The following TES variants were observed in gnomAD, a reference collection of about 807,000 sequenced individuals.
The protein encoded by TES is testin LIM domain protein.
TES carries 41 observed loss-of-function variants against 48.2 expected under a neutral mutation model. The observed-to-expected ratio is 0.85, with a 90% CI of 0.66 to 1.10. The LOEUF (loss-of-function observed/expected upper bound fraction) is 1.10, where lower values mean the gene tolerates loss of function less well. TES is among the 50% of genes least tolerant of loss of function. The pLI, the probability that TES is intolerant of heterozygous loss-of-function variation, is 0.00. For missense variants in TES, 463 were observed against 515.1 expected (o/e 0.90, Z 0.98); for synonymous variants, 162 against 174.9 (o/e 0.93, Z 0.58).
intron 2 of TES, among the ~76,000 whole-genome samples, chr7:116,241,479 A>G (rs573056053): frequency 6.6e-6 from 1 of 152,262 alleles, no homozygotes; most frequent in Non-Finnish European, 1.5e-5. Flanking sequence ...GGTCATCCCA[A>G]CTGTTTTAAT....
Position 116,251,985 on chromosome 7 carries a change from A to G in TES, c.918+10A>G, listed in dbSNP as rs200003387. On this transcript the variant is annotated intron_variant, in intron 5 of 6. Transcript: ENST00000358204. ...TGCTGGCTGTGACGAGGTATGTTCT[A>G]TGGGACCACCGGCATGCTGGTGCCC... is the stretch of plus-strand genomic sequence containing the variant. 1.7e-5 allele frequency: 27 copies of G among 1,613,608 alleles called. No individual in the cohort carries two copies. Among genetic ancestry groups the G allele is most frequent in the African/African-American group, 9.3e-5 (7 of 74,914 alleles).
At chr7:116,249,498 G>A (rs1799973659) in intron 3 of TES, 1 of 497,200 alleles carries the variant, frequency 2.0e-6, no homozygotes, top group Admixed American at 3.5e-5. Flanking sequence ...TGAGGGAATG[G>A]TCTAACGTTC....
intron 1 of TES, among the ~76,000 whole-genome samples, chr7:116,224,297 A>G (rs182848990): frequency 1.3e-5 from 2 of 152,200 alleles, no homozygotes; most frequent in East Asian, 1.9e-4. Context: ...CGTATTTTCA[A>G]ACCCTAAGTT....
chr7:116,218,853 A>T (rs1312744627), intron 1 of TES, among the ~76,000 whole-genome samples: 2 of 152,282 alleles, frequency 1.3e-5, no homozygotes, highest in East Asian at 1.9e-4. Context: ...TGATATTTTT[A>T]AAAACACAAT....
chr7:116,254,762 G>A (rs955480614), intron 6 of TES, among the ~76,000 whole-genome samples: 143 of 98,768 alleles, frequency 1.4e-3, no homozygotes, highest in African/African-American at 6.0e-3. Context: ...ATATATATGT[G>A]TGTGTGTGTG....
Position 116,249,281 on chromosome 7 carries a change from T to C in TES, c.366+9T>C, listed in dbSNP as rs761031871. 1.3e-5 allele frequency: 21 copies of C among 1,613,832 alleles called. No homozygotes were observed. The highest frequency in any genetic ancestry group is 1.8e-5 in the Non-Finnish European group (21 of 1,179,932). ...TCCAGAATCAAGCATTGGTAAATGA[T>C]ATGGAACAGAGAGTTTCTTTATTGA... On this transcript the variant is annotated intron_variant, in intron 3 of 6. Coordinates refer to ENST00000358204, the MANE Select transcript of TES (RefSeq NM_015641.4).
In TES at chr7:116,257,434, A is replaced by G. The variant is rs1400031636; in HGVS notation, c.1218A>G (p.Val406=). ...TCATTGGGCAGAAGTTCATGCCAGT[A>G]GAAGGGATGGTTTTCTGTTCAGTGG... ...KCLIGQKFMP[V]EGMVFCSVEC... is the part of the protein sequence containing the mutation. The change falls in exon 7 of 7, where the codon GTA becomes GTG. Residue 406 remains valine, a synonymous_variant. Transcript: ENST00000358204. 6.2e-7 allele frequency: 1 copy of G among 1,614,004 alleles called. No individual in the cohort carries two copies. Among genetic ancestry groups the G allele is most frequent in the East Asian group, 2.2e-5 (1 of 44,864 alleles).
At chr7:116,218,249 A>C (rs1469566747) in intron 1 of TES, among the ~76,000 whole-genome samples, 5 of 152,158 alleles carry the variant, frequency 3.3e-5, no homozygotes. Flanking sequence ...GAAAAGCTGT[A>C]AACAGGAGTT....
At chr7:116,227,600 A>G (rs1226384749) in intron 1 of TES, among the ~76,000 whole-genome samples, 2 of 152,180 alleles carry the variant, frequency 1.3e-5, no homozygotes, top group African/African-American at 2.4e-5. Flanking sequence ...AATTATTTAG[A>G]TATGTAGTTC....
intron 1 of TES, among the ~76,000 whole-genome samples, chr7:116,232,729 TA>T (rs35455902): frequency 6.6e-6 from 1 of 151,946 alleles, no homozygotes; most frequent in African/African-American, 2.4e-5. Context: ...TTAATTGCTT[TA>T]AAAAAAAGCT....
intron 1 of TES, among the ~76,000 whole-genome samples, chr7:116,230,024 A>G (rs1434805322): frequency 6.6e-6 from 1 of 152,226 alleles, no homozygotes; most frequent in African/African-American, 2.4e-5. Flanking sequence ...ATAGCTATAA[A>G]ATAAATTTCT....
At chr7:116,248,014 G>A (rs73452236) in intron 2 of TES, among the ~76,000 whole-genome samples, 1 of 151,894 alleles carries the variant, frequency 6.6e-6, no homozygotes, top group Non-Finnish European at 1.5e-5. Flanking sequence ...TTCCATCTTT[G>A]TGTCCATGTG....
intron 6 of TES, among the ~76,000 whole-genome samples, chr7:116,253,589 T>C: frequency 6.6e-6 from 1 of 152,206 alleles, no homozygotes; most frequent in East Asian, 1.9e-4. Flanking sequence ...CTCCTGTCCC[T>C]TCTACTAGTT....
In TES at chr7:116,214,418, A is replaced by T. The variant is rs115543124; in HGVS notation, c.27+3684A>T. Among the ~76,000 whole-genome samples the T allele has an allele frequency of 7.4e-3, 1,128 of 152,316 alleles. 15 individuals carry two copies. The highest frequency in any genetic ancestry group is 0.026 in the African/African-American group (1,075 of 41,554). ...CCTGGATGCTCAAATCTACAATTGCATTCCAGGCTTGAAGCCATTCTTGCT... is the reference window on the plus strand; with the variant it reads ...CCTGGATGCTCAAATCTACAATTGCTTTCCAGGCTTGAAGCCATTCTTGCT... On this transcript the variant is annotated intron_variant, in intron 1 of 6. Transcript: ENST00000358204.
chr7:116,227,634 A>G (rs1457297478), intron 1 of TES, among the ~76,000 whole-genome samples: 2 of 152,174 alleles, frequency 1.3e-5, no homozygotes, highest in Non-Finnish European at 2.9e-5. Context: ...ATTTATCTGG[A>G]TGAACAAAAT....
chr7:116,248,209 A>T (rs1799953996), intron 2 of TES, among the ~76,000 whole-genome samples: 2 of 152,108 alleles, frequency 1.3e-5, no homozygotes, highest in Non-Finnish European at 2.9e-5. Flanking sequence ...TTCTTTATCC[A>T]GTCTACCATT....
intron 2 of TES, among the ~76,000 whole-genome samples, chr7:116,239,729 T>C (rs1799818282): frequency 6.6e-6 from 1 of 152,200 alleles, no homozygotes; most frequent in Admixed American, 6.5e-5. Context: ...GTGCCCATGA[T>C]TACAACAGTA....
intron 1 of TES, among the ~76,000 whole-genome samples, chr7:116,232,034 C>T (rs1799707597): frequency 6.6e-6 from 1 of 152,168 alleles, no homozygotes; most frequent in Non-Finnish European, 1.5e-5. Context: ...TAGCGAGCTA[C>T]TCCAAAGCCT....
intron 2 of TES, among the ~76,000 whole-genome samples, chr7:116,235,508 A>ATGTT (rs957547181): frequency 7.9e-5 from 12 of 152,300 alleles, no homozygotes; most frequent in Admixed American, 5.2e-4. Context: ...ACACAAGACA[A>ATGTT]TGTTAGTGAG....
Sources: allele counts gnomAD v4.1 joint callset (sites outside exome capture counted in the v4.1 genomes callset), GRCh38; gene constraint gnomAD v4.1.1; transcripts MANE v1.5; gene names NCBI Gene and HGNC (gene_info 2026-07-23, HGNC 2026-07-21).